Variants in OPCML observed in about 807,000 individuals in gnomAD.
The protein encoded by OPCML is opioid binding protein/cell adhesion molecule like, also known as opioid-binding protein/cell adhesion molecule.
Under a neutral mutation model 37.8 loss-of-function variants are expected in OPCML, and 13 were observed. The ratio of observed to expected loss-of-function variants is 0.34; its 90% confidence interval spans 0.22 to 0.55. The LOEUF (loss-of-function observed/expected upper bound fraction) is 0.55. OPCML is among the 20% of genes least tolerant of loss of function. The pLI is 0.91. For missense variants in OPCML, 341 were observed against 435.6 expected, an observed-to-expected ratio of 0.78 and a Z score of 1.93; for synonymous variants, 176 against 168.8, an observed-to-expected ratio of 1.04 and a Z score of -0.33.
At position 133,177,942 on chromosome 11, in the gene OPCML, T is replaced by C. The variant is rs1213477000; in HGVS notation, c.62-234932A>G. 6.6e-6 allele frequency among the ~76,000 whole-genome samples: 1 copy of C among 152,170 alleles called. No individual in the cohort carries two copies. The highest frequency in any genetic ancestry group is 1.9e-4 in the East Asian group (1 of 5,190). On this transcript the variant is annotated intron_variant, in intron 1 of 7. Coordinates refer to ENST00000524381, the MANE Select transcript of OPCML (RefSeq NM_001012393.5). The surrounding 1 kb of genome is among the most constrained non-coding windows in gnomAD (Gnocchi z 5.0). ...AGGCCTCTGTTCTTTTGAACCACAC[T>C]GAATAAATGAGAGCTGGCAGGAGGC...
rs896352359 is a variant in OPCML at position 133,205,479 on chromosome 11, C to A, written c.62-262469G>T. 1.5e-4 allele frequency among the ~76,000 whole-genome samples: 23 copies of A among 152,202 alleles called. No individual in the cohort carries two copies. The highest frequency in any genetic ancestry group is 4.6e-4 in the Admixed American group (7 of 15,292). On this transcript the variant is annotated intron_variant, in intron 1 of 7. Transcript: ENST00000524381. The surrounding 1 kb of genome is among the most constrained non-coding windows in gnomAD (Gnocchi z 4.8). ...CGCTGATCAGCAGCACTGGTCCCAA[C>A]CCAGGGCTTGCACCTAGCACCTGAA...
At chr11:133,239,923 G>A (rs1449659834) in intron 1 of OPCML, among the ~76,000 whole-genome samples, 1 of 152,078 alleles carries the variant, frequency 6.6e-6, no homozygotes, top group Non-Finnish European at 1.5e-5. Flanking sequence ...GATTGGATAA[G>A]TTGAACATTA....
intron 1 of OPCML, among the ~76,000 whole-genome samples, chr11:132,996,454 TAAA>T (rs530006546): frequency 1.5e-5 from 2 of 132,814 alleles, no homozygotes; most frequent in Non-Finnish European, 1.6e-5. Context: ...CCATCTCTAC[TAAA>T]AAAAAAAAAA....
intron 4 of OPCML, among the ~76,000 whole-genome samples, chr11:132,510,145 T>C (rs1446450966): frequency 6.6e-6 from 1 of 152,194 alleles, no homozygotes; most frequent in African/African-American, 2.4e-5. Context: ...CAATGTTGGA[T>C]TTTGGACTTG....
chr11:132,882,677 T>C (rs1256333345), intron 2 of OPCML, among the ~76,000 whole-genome samples: 1 of 152,122 alleles, frequency 6.6e-6, no homozygotes, highest in Non-Finnish European at 1.5e-5. Flanking sequence ...GGAAGCCACA[T>C]GGAAAACTGA....
At chr11:133,124,425 T>A (rs1173207410) in intron 1 of OPCML, among the ~76,000 whole-genome samples, 1 of 152,082 alleles carries the variant, frequency 6.6e-6, no homozygotes, top group Non-Finnish European at 1.5e-5. Flanking sequence ...GTCTGCTACA[T>A]CACAGATTCA....
At chr11:133,470,579 C>A (rs527388847) in intron 1 of OPCML, among the ~76,000 whole-genome samples, 3 of 152,100 alleles carry the variant, frequency 2.0e-5, no homozygotes, top group African/African-American at 7.2e-5. Context: ...TCCCTGCCAC[C>A]CTGACCAGTG....
chr11:133,422,267 C>T (rs75153790), intron 1 of OPCML: 48,501 of 983,842 alleles, frequency 0.049, 2,071 homozygotes, highest in African/African-American at 0.2. Context: ...ACAAGTGTGT[C>T]GTGGGACTCA....
intron 1 of OPCML, among the ~76,000 whole-genome samples, chr11:133,345,487 C>A (rs2136679797): frequency 6.6e-6 from 1 of 152,318 alleles, no homozygotes; most frequent in Non-Finnish European, 1.5e-5. Context: ...TTCCATGAAA[C>A]ACACTGCACT....
intron 1 of OPCML, among the ~76,000 whole-genome samples, chr11:133,223,115 C>T (rs896007454): frequency 6.6e-6 from 1 of 152,202 alleles, no homozygotes; most frequent in Non-Finnish European, 1.5e-5. Flanking sequence ...GGACCCAGCA[C>T]CAAACCACAG....
intron 1 of OPCML, among the ~76,000 whole-genome samples, chr11:133,055,226 T>TA (rs1948209167): frequency 1.4e-5 from 2 of 145,522 alleles, no homozygotes. Context: ...GAGCCACCTC[T>TA]ACCATATAAT....
chr11:132,894,743 C>T (rs977571591), intron 2 of OPCML, among the ~76,000 whole-genome samples: 2 of 152,158 alleles, frequency 1.3e-5, no homozygotes, highest in Non-Finnish European at 2.9e-5. Context: ...AGCTTGGATA[C>T]ACTCTTATCC....
Position 132,905,755 on chromosome 11 carries a change from C to T in OPCML, c.146+37171G>A, listed in dbSNP as rs577688616. 2.6e-5 allele frequency among the ~76,000 whole-genome samples: 4 copies of T among 152,018 alleles called. No homozygotes were observed. The East Asian group carries it at 7.7e-4, about 29-fold the overall frequency. ...AATTGCCCTTCCATAAATCCTAGTT[C>T]CAGCATTTTCTTCCAGTATAAGCTT... On this transcript the variant is annotated intron_variant, in intron 2 of 7. Coordinates refer to ENST00000524381, the MANE Select transcript of OPCML (RefSeq NM_001012393.5).
intron 2 of OPCML, among the ~76,000 whole-genome samples, chr11:132,890,856 C>CA (rs57246769): frequency 0.057 from 2,608 of 45,362 alleles, 53 homozygotes; most frequent in Non-Finnish European, 0.088. Context: ...GACTCCATCT[C>CA]AAAAAAAAAA....
At chr11:132,535,116 T>C (rs909576529) in intron 3 of OPCML, among the ~76,000 whole-genome samples, 2 of 150,490 alleles carry the variant, frequency 1.3e-5, no homozygotes, top group Non-Finnish European at 1.5e-5. Flanking sequence ...TTACTATATA[T>C]TTCATATCTA....
intron 4 of OPCML, among the ~76,000 whole-genome samples, chr11:132,504,864 CG>C (rs2096253114): frequency 6.6e-6 from 1 of 151,956 alleles, no homozygotes; most frequent in Non-Finnish European, 1.5e-5. Context: ...TATCAGGAGG[CG>C]GGGTCACTGA....
intron 2 of OPCML, among the ~76,000 whole-genome samples, chr11:132,748,193 G>T (rs1945704258): frequency 1.3e-5 from 2 of 151,780 alleles, no homozygotes; most frequent in Non-Finnish European, 2.9e-5. Flanking sequence ...GAGGGGATTT[G>T]TTAAGACACT....
chr11:132,909,760 G>T (rs1193195211), intron 2 of OPCML, among the ~76,000 whole-genome samples: 5 of 152,174 alleles, frequency 3.3e-5, no homozygotes, highest in Non-Finnish European at 7.3e-5. Flanking sequence ...GCAGCCACCG[G>T]CCTCTTCTTG....
chr11:132,974,396 C>G (rs1285187671), intron 1 of OPCML, among the ~76,000 whole-genome samples: 1 of 152,060 alleles, frequency 6.6e-6, no homozygotes, highest in Non-Finnish European at 1.5e-5. Context: ...CTATGGTCAC[C>G]GAAAAAGCTC....
Sources: gnomAD v4.1 joint callset for allele counts (sites outside exome capture counted in the v4.1 genomes callset) on GRCh38, gnomAD v4.1.1 for gene constraint, Gnocchi (gnomAD v3.1) non-coding constraint, MANE v1.5 for transcripts, NCBI Gene and HGNC (gene_info 2026-07-23, HGNC 2026-07-21) for gene names.